Variants in NECTIN3 observed in about 807,000 individuals in gnomAD.
NECTIN3 encodes nectin-3.
In NECTIN3, 8 loss-of-function variants were observed where a neutral mutation model predicts 49.4. That is an observed-to-expected ratio of 0.16 (90% confidence interval 0.10 to 0.29). The LOEUF (loss-of-function observed/expected upper bound fraction) is 0.29. Ranked by LOEUF, NECTIN3 falls within the 10% of genes least tolerant of loss-of-function variation. NECTIN3 has a pLI of 1.00. For missense variants in NECTIN3, 581 were observed against 654.6 expected, an observed-to-expected ratio of 0.89 and a Z score of 1.23; for synonymous variants, 277 against 241.1, an observed-to-expected ratio of 1.15 and a Z score of -1.38.
At chr3:111,145,047 T>C (rs2034841092) in intron 6 of NECTIN3, 3 of 1,534,066 alleles carry the variant, frequency 2.0e-6, no homozygotes, top group East Asian at 4.9e-5. Context: ...TGTAGGTAAC[T>C]TTTTTGCCTT....
At chr3:111,165,078 G>C (rs368350981) in intron 7 of NECTIN3, among the ~76,000 whole-genome samples, 1 of 151,302 alleles carries the variant, frequency 6.6e-6, no homozygotes, top group African/African-American at 2.4e-5. Flanking sequence ...ACAGAGTCTC[G>C]CTCTGTCGCC....
chr3:111,109,836 T>C (rs1293360995), intron 1 of NECTIN3, among the ~76,000 whole-genome samples: 1 of 152,116 alleles, frequency 6.6e-6, no homozygotes, highest in Non-Finnish European at 1.5e-5. Flanking sequence ...TATAATTGCA[T>C]TGCATTTGTG....
At chr3:111,094,970 T>C (rs758056138) in intron 1 of NECTIN3, among the ~76,000 whole-genome samples, 3 of 152,096 alleles carry the variant, frequency 2.0e-5, no homozygotes, top group Non-Finnish European at 2.9e-5. Context: ...TTTTCAAGGA[T>C]AGCAGTTATG....
At chr3:111,129,612 T>C (rs1475523940) in intron 5 of NECTIN3, among the ~76,000 whole-genome samples, 1 of 152,022 alleles carries the variant, frequency 6.6e-6, no homozygotes, top group Admixed American at 6.6e-5. Context: ...ATGAACAAAA[T>C]CAGTTTCAGC....
At chr3:111,100,577 A>T (rs2032847569) in intron 1 of NECTIN3, among the ~76,000 whole-genome samples, 1 of 152,128 alleles carries the variant, frequency 6.6e-6, no homozygotes, top group Admixed American at 6.5e-5. Context: ...AATTTGAAAC[A>T]CATCTTGTCC....
chr3:111,123,095 G>A (rs745852274), intron 4 of NECTIN3, among the ~76,000 whole-genome samples: 12 of 151,428 alleles, frequency 7.9e-5, no homozygotes, highest in African/African-American at 2.7e-4. Flanking sequence ...TTTTAAGAGC[G>A]TCTTCTCATA....
At chr3:111,091,452 C>G (rs1238078595) in intron 1 of NECTIN3, among the ~76,000 whole-genome samples, 1 of 152,060 alleles carries the variant, frequency 6.6e-6, no homozygotes, top group Non-Finnish European at 1.5e-5. Context: ...CGGGGTTTCA[C>G]TGTGTTAGCC....
At position 111,134,933 on chromosome 3, in the gene NECTIN3, A is replaced by G. The variant is rs1183152851; in HGVS notation, c.*718A>G. On this transcript the variant is annotated 3_prime_UTR_variant, in exon 6 of 6. Transcript: ENST00000485303. ...CAATATTTTTGTCCAAAATACCTGCAAGAGTAATAAAATACATACCTTTCA... is the reference window on the plus strand; with the variant it reads ...CAATATTTTTGTCCAAAATACCTGCGAGAGTAATAAAATACATACCTTTCA... 1.6e-5 allele frequency: 16 copies of G among 983,390 alleles called. No homozygotes were observed. The highest frequency in any genetic ancestry group is 1.9e-5 in the Non-Finnish European group (16 of 828,240). 60.9% of individuals were successfully genotyped at this position (983,390 alleles called of 1,614,324 possible).
rs527765847 is a variant in NECTIN3, at chr3:111,161,084, A to G, written c.1221+13600A>G. 2.6e-3 allele frequency among the ~76,000 whole-genome samples: 397 copies of G among 152,354 alleles called. 2 individuals carry two copies. The highest frequency in any genetic ancestry group is 9.0e-3 in the African/African-American group (373 of 41,584). ...AATGAATATATCTCTAGTAATCTTGAAAGTAAGAATAAGTGTGAGGATATG... is the reference window on the plus strand; with the variant it reads ...AATGAATATATCTCTAGTAATCTTGGAAGTAAGAATAAGTGTGAGGATATG... On this transcript the variant is annotated intron_variant, in intron 7 of 8. Coordinates refer to the NECTIN3 transcript ENST00000493615.
intron 1 of NECTIN3, chr3:111,074,229 A>G (rs866529257): frequency 6.6e-6 from 3 of 456,440 alleles, no homozygotes; most frequent in Middle Eastern, 6.5e-4. Flanking sequence ...GCTTAGTGGT[A>G]TGGAAGCAAA....
At chr3:111,083,295 A>G (rs1296090411) in intron 1 of NECTIN3, among the ~76,000 whole-genome samples, 1 of 152,168 alleles carries the variant, frequency 6.6e-6, no homozygotes, top group Non-Finnish European at 1.5e-5. Flanking sequence ...TATGGACTGA[A>G]AGTTTGTGTT....
intron 7 of NECTIN3, among the ~76,000 whole-genome samples, chr3:111,149,801 A>C (rs1445387419): frequency 1.3e-5 from 2 of 151,484 alleles, no homozygotes; most frequent in Non-Finnish European, 2.9e-5. Context: ...GTGATTTTTC[A>C]GGGGAATACA....
chr3:111,134,374 T>C lies in NECTIN3; in HGVS notation c.*159T>C. 2 of 1,394,382 alleles carry C rather than the reference T, an allele frequency of 1.4e-6. No individual in the cohort carries two copies. The highest frequency in any genetic ancestry group is 1.9e-6 in the Non-Finnish European group (2 of 1,078,234). The allele number at this position is 1,394,382 out of a possible 1,614,324, so 86.4% of individuals were successfully genotyped here. On this transcript the variant is annotated 3_prime_UTR_variant, in exon 6 of 6. Transcript: ENST00000485303. ...ATCTGACAAATGAAAATGTAAAATC[T>C]GAGTTCAGTGTATCTAAGCTGCTTT...
Position 111,104,794 on chromosome 3 carries a change from G to C in NECTIN3, c.161-7236G>C, listed in dbSNP as rs547677265. On this transcript the variant is annotated intron_variant, in intron 1 of 5. Coordinates refer to ENST00000485303, the MANE Select transcript of NECTIN3 (RefSeq NM_015480.3). Reference sequence around the variant, plus strand: ...GCAGAATTTTTTTTATTTTGATGAAGACAACTCATTGTGCTTTTAATGACA... The same window carrying C: ...GCAGAATTTTTTTTATTTTGATGAACACAACTCATTGTGCTTTTAATGACA... 3.3e-5 allele frequency among the ~76,000 whole-genome samples: 5 copies of C among 152,164 alleles called. No individual in the cohort carries two copies. In the South Asian group the frequency reaches 1.0e-3, roughly 32 times the overall value.
intron 1 of NECTIN3, among the ~76,000 whole-genome samples, chr3:111,096,524 C>T (rs1049879030): frequency 1.4e-4 from 21 of 152,186 alleles, no homozygotes; most frequent in Non-Finnish European, 2.2e-4. Flanking sequence ...GAAAACGTCT[C>T]CATGCCATGT....
intron 7 of NECTIN3, among the ~76,000 whole-genome samples, chr3:111,174,108 G>A (rs1056169425): frequency 6.6e-6 from 1 of 152,146 alleles, no homozygotes; most frequent in South Asian, 2.1e-4. Context: ...AGTACTCCCA[G>A]TATGTTCAAG....
intron 4 of NECTIN3, among the ~76,000 whole-genome samples, chr3:111,124,714 C>T (rs1223220666): frequency 6.6e-6 from 1 of 152,148 alleles, no homozygotes; most frequent in African/African-American, 2.4e-5. Flanking sequence ...CACTTGAGAT[C>T]GCAAAACAAA....
At chr3:111,122,859 T>C (rs2034012053) in intron 4 of NECTIN3, among the ~76,000 whole-genome samples, 1 of 152,108 alleles carries the variant, frequency 6.6e-6, no homozygotes, top group Admixed American at 6.5e-5. Context: ...TAGGGCCTAT[T>C]TTGATCTCCA....
At chr3:111,190,204 CTT>C (rs1576190338), upstream of NECTIN3, among the ~76,000 whole-genome samples, 7 of 152,304 alleles carry the variant, frequency 4.6e-5, no homozygotes, top group East Asian at 1.4e-3. Flanking sequence ...CTGCCTTGGA[CTT>C]TTACCAGTGT....
Sources: allele counts gnomAD v4.1 joint callset (sites outside exome capture counted in the v4.1 genomes callset), GRCh38; gene constraint gnomAD v4.1.1; transcripts MANE v1.5; gene names NCBI Gene and HGNC (gene_info 2026-07-23, HGNC 2026-07-21).